The following ARMCX4 variants were observed in gnomAD, a reference collection of about 807,000 sequenced individuals.
The protein encoded by ARMCX4 is armadillo repeat containing X-linked 4.
A neutral mutation model predicts 34.7 loss-of-function variants in ARMCX4; 3 were observed. That is an observed-to-expected ratio of 0.09 (90% CI 0.04 to 0.22). The LOEUF (loss-of-function observed/expected upper bound fraction) is 0.22. Among genes scored for constraint, ARMCX4 ranks in the 10% least tolerant of loss-of-function variants. ARMCX4 has a pLI of 1.00. For synonymous variants in ARMCX4, 513 were observed against 632.8 expected (o/e 0.81, Z 2.84); for missense variants, 1,448 against 1,720.8 (o/e 0.84, Z 2.81).
chrX:101,523,391 A>C (rs1603228542), intron 11 of ARMCX4, among the ~76,000 whole-genome samples: 1 of 112,031 alleles, frequency 8.9e-6, no homozygotes, highest in Admixed American at 9.5e-5. Flanking sequence ...AAATTCACTG[A>C]ACTATGAGAG....
chrX:101,504,433 T>TTGTG (rs10555485), intron 7 of ARMCX4, among the ~76,000 whole-genome samples: 3 of 105,040 alleles, frequency 2.9e-5, no homozygotes, highest in Non-Finnish European at 3.9e-5. Context: ...TTTAATAAGT[T>TTGTG]TGTGTGTGTG....
At chrX:101,442,539 A>C (rs971940947) in intron 2 of ARMCX4, among the ~76,000 whole-genome samples, 3 of 111,528 alleles carry the variant, frequency 2.7e-5, no homozygotes, top group Non-Finnish European at 5.6e-5. Flanking sequence ...CAAACCCAAC[A>C]TCCTTGGTCC....
intron 4 of ARMCX4, among the ~76,000 whole-genome samples, chrX:101,465,845 T>C (rs1932784441): frequency 8.9e-6 from 1 of 112,316 alleles, no homozygotes; most frequent in South Asian, 3.6e-4. Flanking sequence ...ACACAGTGTA[T>C]ATCCTTTAGC....
chrX:101,515,376 T>C lies in ARMCX4; in HGVS notation c.*1780+4321T>C, dbSNP rs782588546. Reference sequence around the variant, plus strand: ...CTTTCTTTCTTTCTTTCTTTCTTTCTTTCTTTTTCTTTCTTTCCCTCCCTC... The same window carrying C: ...CTTTCTTTCTTTCTTTCTTTCTTTCCTTCTTTTTCTTTCTTTCCCTCCCTC... On this transcript the variant is annotated intron_variant and NMD_transcript_variant, in intron 11 of 12. Transcript: ENST00000354842. 2.6e-4 allele frequency among the ~76,000 whole-genome samples: 13 copies of C among 50,666 alleles called. 1 individual carries two copies. Among genetic ancestry groups the C allele is most frequent in the Non-Finnish European group, 4.3e-4 (11 of 25,567 alleles). 44.0% of individuals were successfully genotyped at this position (50,666 alleles called of 115,157 possible).
chrX:101,429,460 C>T (rs149825681), intron 2 of ARMCX4, among the ~76,000 whole-genome samples: 1,749 of 107,296 alleles, frequency 0.016, 41 homozygotes, highest in African/African-American at 0.056. Flanking sequence ...CTCAGCCTCC[C>T]GAGTAGCTGG....
Position 101,489,613 on chromosome X carries a change from G to T in ARMCX4, c.1024G>T (p.Gly342Cys), listed in dbSNP as rs1253605911. ...TCCTGGGGCAAAGATTGATGCCGGG[G>T]GTAACACCAATGCCATGTGTAAGGT... ...AIPGAKIDAGGNTNAMCKVGA... is the reference protein window; with the variant it reads ...AIPGAKIDAGCNTNAMCKVGA... Residue 342 changes from glycine to cysteine, a missense_variant, in exon 6 of 6, where the codon GGT becomes TGT. Transcript: ENST00000423738. 3.5e-6 allele frequency: 4 copies of T among 1,154,756 alleles called. No homozygotes were observed. The East Asian group carries it at 1.3e-4, about 38-fold the overall frequency.
chrX:101,483,573 C>T (rs1556005864), upstream of ARMCX4, among the ~76,000 whole-genome samples: 4 of 111,591 alleles, frequency 3.6e-5, no homozygotes, highest in African/African-American at 1.3e-4. Context: ...TTTCTGTGAA[C>T]AAATCTGTTC....
intron 2 of ARMCX4, among the ~76,000 whole-genome samples, chrX:101,440,091 T>C (rs1301401780): frequency 9.0e-6 from 1 of 111,643 alleles, no homozygotes; most frequent in Non-Finnish European, 1.9e-5. Context: ...CTCTGTTTTT[T>C]CCCCATCTTT....
chrX:101,433,205 C>T lies in ARMCX4; in HGVS notation n.165-10847C>T, dbSNP rs782739642. ...ACACGCACACATACACATATATGTG[C>T]ATATACGCACATATATACATATATG... On this transcript the variant is annotated intron_variant and non_coding_transcript_variant, in intron 2 of 3. Transcript: ENST00000430461. 2.1e-4 allele frequency among the ~76,000 whole-genome samples: 6 copies of T among 29,008 alleles called. 1 individual carries two copies. The highest frequency in any genetic ancestry group is 2.4e-3 in the South Asian group (2 of 833). The allele number at this position is 29,008 out of a possible 115,157, so 25.2% of individuals were successfully genotyped here.
Position 101,443,146 on chromosome X carries a change from A to G in ARMCX4, n.165-906A>G, listed in dbSNP as rs190713137. The stretch of plus-strand genomic sequence containing the variant: ...ACTCCGTCTCAAAAAAAAAAAAAAA[A>G]AAAAGAAATATAATCCCCAATTAAA... On this transcript the variant is annotated intron_variant and non_coding_transcript_variant, in intron 2 of 3. Coordinates refer to the ARMCX4 transcript ENST00000430461. Among the ~76,000 whole-genome samples, 121 of 109,682 alleles carry G rather than the reference A, an allele frequency of 1.1e-3. 1 individual carries two copies. Among genetic ancestry groups the G allele is most frequent in the Non-Finnish European group, 1.8e-3 (95 of 52,538 alleles).
chrX:101,488,117 G>T lies in ARMCX4; in HGVS notation c.-147+18G>T, dbSNP rs879973298. On this transcript the variant is annotated intron_variant, in intron 5 of 5. Transcript: ENST00000423738. The stretch of plus-strand genomic sequence containing the variant: ...CATTACAGGTTGGTATGAGGGTGGG[G>T]CCCTGTAGACAGGTGACCAGAGTAG... 1.3e-6 allele frequency: 1 copy of T among 770,195 alleles called. No homozygotes were observed. The highest frequency in any genetic ancestry group is 2.2e-5 in the African/African-American group (1 of 46,414). 63.5% of individuals were successfully genotyped at this position (770,195 alleles called of 1,213,427 possible).
At chrX:101,440,057 T>A (rs6616241) in intron 2 of ARMCX4, among the ~76,000 whole-genome samples, 5 of 109,985 alleles carry the variant, frequency 4.5e-5, no homozygotes, top group Non-Finnish European at 7.6e-5. Context: ...GGCGCTCTGA[T>A]TTTTAGAGTT....
At chrX:101,501,599 A>G (rs191489306) in intron 7 of ARMCX4, among the ~76,000 whole-genome samples, 2,646 of 112,356 alleles carry the variant, frequency 0.024, 74 homozygotes, top group African/African-American at 0.08. Flanking sequence ...CAGCAGAGGG[A>G]GCAGTAGCAG....
intron 7 of ARMCX4, among the ~76,000 whole-genome samples, chrX:101,502,763 T>G (rs1300511727): frequency 9.0e-6 from 1 of 110,913 alleles, no homozygotes; most frequent in Non-Finnish European, 1.9e-5. Context: ...TAGGACAATT[T>G]GCTTAATTTA....
intron 2 of ARMCX4, among the ~76,000 whole-genome samples, chrX:101,430,511 C>G (rs1929932900): frequency 8.9e-6 from 1 of 112,554 alleles, no homozygotes; most frequent in African/African-American, 3.2e-5. Context: ...TATCCCTTAT[C>G]CCCATCCATT....
At chrX:101,447,116 G>A (rs1281280284), downstream of ARMCX4, among the ~76,000 whole-genome samples, 1 of 111,840 alleles carries the variant, frequency 8.9e-6, no homozygotes, top group Non-Finnish European at 1.9e-5. Context: ...ATGGCTGCTG[G>A]CTTCCTCCAG....
At chrX:101,454,677 G>C (rs1932177155) in intron 4 of ARMCX4, among the ~76,000 whole-genome samples, 1 of 111,386 alleles carries the variant, frequency 9.0e-6, no homozygotes, top group African/African-American at 3.3e-5. Flanking sequence ...GTCAGGCCAA[G>C]CTGACTCTAA....
At chrX:101,487,055 A>G (rs1933760380) in intron 2 of ARMCX4, 138 bp from the exon 3 acceptor site, 1 of 99,954 alleles carries the variant, frequency 1.0e-5, no homozygotes, top group African/African-American at 3.9e-5. Flanking sequence ...GGGAAGCCCC[A>G]GGCTTTTTTT....
At chrX:101,463,995 T>C (rs7888475) in intron 4 of ARMCX4, among the ~76,000 whole-genome samples, 54,853 of 108,507 alleles carry the variant, frequency 0.51, 11,262 homozygotes, top group African/African-American at 0.77. Context: ...TGAGCTCGAG[T>C]GATCCACCTG....
Sources: gnomAD v4.1 joint callset for allele counts (sites outside exome capture counted in the v4.1 genomes callset) on GRCh38, gnomAD v4.1.1 for gene constraint, MANE v1.5 for transcripts, NCBI Gene and HGNC (gene_info 2026-07-23, HGNC 2026-07-21) for gene names.